Variants in ADAM23 observed in about 807,000 individuals in gnomAD.
ADAM23 encodes the protein ADAM metallopeptidase domain 23.
Under a neutral mutation model 120.1 loss-of-function variants are expected in ADAM23, and 33 were observed. That is an observed-to-expected ratio of 0.27 (90% confidence interval 0.21 to 0.37). ADAM23 has a LOEUF of 0.37. ADAM23 is among the 10% of genes least tolerant of loss of function. The probability of loss-of-function intolerance (pLI) is 1.00; values close to 1 mark genes in which losing one functional copy is unlikely to be tolerated. For missense variants in ADAM23, 862 were observed against 1,058.2 expected, an observed-to-expected ratio of 0.81 and a Z score of 2.57; for synonymous variants, 367 against 375.2, an observed-to-expected ratio of 0.98 and a Z score of 0.25.
At chr2:206,542,671 A>C (rs1697317379) in intron 5 of ADAM23, among the ~76,000 whole-genome samples, 1 of 152,188 alleles carries the variant, frequency 6.6e-6, no homozygotes. Context: ...ATGTGACGAC[A>C]AAGAATCTTG....
intron 3 of ADAM23, among the ~76,000 whole-genome samples, chr2:206,515,414 G>A (rs940933392): frequency 7.9e-5 from 12 of 152,000 alleles, no homozygotes; most frequent in African/African-American, 2.7e-4. Context: ...GTGGTGGCAC[G>A]CTCCATGAGA....
intron 4 of ADAM23, among the ~76,000 whole-genome samples, chr2:206,540,377 T>C (rs934704841): frequency 1.3e-5 from 2 of 152,104 alleles, no homozygotes; most frequent in Non-Finnish European, 2.9e-5. Context: ...TTTCCATATA[T>C]GTGGTTTCCA....
intron 9 of ADAM23, among the ~76,000 whole-genome samples, chr2:206,555,731 A>G (rs554510828): frequency 3.3e-5 from 5 of 152,326 alleles, no homozygotes; most frequent in African/African-American, 1.2e-4. Flanking sequence ...AAAATAACAA[A>G]TTAATACTCA....
chr2:206,496,449 C>T (rs1452036862), intron 3 of ADAM23, among the ~76,000 whole-genome samples: 1 of 152,052 alleles, frequency 6.6e-6, no homozygotes, highest in African/African-American at 2.4e-5. Context: ...TTCTTTGAAA[C>T]CAACGAGAAC....
intron 22 of ADAM23, among the ~76,000 whole-genome samples, chr2:206,593,550 A>C (rs1338334314): frequency 6.6e-6 from 1 of 152,074 alleles, no homozygotes; most frequent in Non-Finnish European, 1.5e-5. Flanking sequence ...TCTCAGTCAA[A>C]TGGTTACTTT....
chr2:206,588,548 T>C lies in ADAM23; in HGVS notation c.1852+394T>C, dbSNP rs115942583. On this transcript the variant is annotated intron_variant, in intron 20 of 25. Transcript: ENST00000264377. ...CTTTCTGGTTTTTACCGCAGGAAAA[T>C]ACCAGACTTATTTTTTAAATTTTGT... Among the ~76,000 whole-genome samples the C allele has an allele frequency of 6.7e-3, 1,019 of 152,292 alleles. 18 individuals are homozygous for C. Among genetic ancestry groups the C allele is most frequent in the African/African-American group, 0.024 (980 of 41,550 alleles).
At chr2:206,513,361 A>C (rs1696665279) in intron 3 of ADAM23, among the ~76,000 whole-genome samples, 1 of 142,350 alleles carries the variant, frequency 7.0e-6, no homozygotes, top group African/African-American at 2.5e-5. Flanking sequence ...CTTGTTGCTG[A>C]TATGGAGAAA....
intron 24 of ADAM23, among the ~76,000 whole-genome samples, chr2:206,603,734 G>A (rs889560550): frequency 6.6e-6 from 1 of 152,102 alleles, no homozygotes; most frequent in Admixed American, 6.5e-5. Context: ...TCTTGTTTCT[G>A]CAGTGAGAAA....
intron 2 of ADAM23, among the ~76,000 whole-genome samples, chr2:206,472,298 G>A (rs1032138669): frequency 5.3e-5 from 8 of 152,174 alleles, no homozygotes; most frequent in South Asian, 2.1e-4. Flanking sequence ...TCTCTTCAGC[G>A]TCCATCTTTT....
At chr2:206,589,539 A>G in intron 21 of ADAM23, 25 bp downstream of exon 21, 1 of 1,587,354 alleles carries the variant, frequency 6.3e-7, no homozygotes, top group Non-Finnish European at 8.6e-7. Flanking sequence ...CTAAGGGCAT[A>G]GTCACTGGAC....
chr2:206,547,347 C>A, intron 6 of ADAM23, 82 bp from the exon 7 acceptor site: 1 of 1,097,574 alleles, frequency 9.1e-7, no homozygotes, highest in Non-Finnish European at 1.3e-6. Flanking sequence ...TTAGGAAGGA[C>A]ATTAGAGAAA....
intron 3 of ADAM23, among the ~76,000 whole-genome samples, chr2:206,490,658 C>G (rs994034648): frequency 1.3e-5 from 2 of 152,162 alleles, no homozygotes; most frequent in African/African-American, 4.8e-5. Context: ...TGATAGTATT[C>G]TAAGCTTTCT....
At chr2:206,542,217 C>A in intron 5 of ADAM23, 83 bp downstream of exon 5, 1 of 1,359,154 alleles carries the variant, frequency 7.4e-7, no homozygotes, top group Non-Finnish European at 1.0e-6. Flanking sequence ...AGTGACTCTT[C>A]CGTGCCAGTG....
chr2:206,490,251 C>G (rs1245619381), intron 3 of ADAM23, among the ~76,000 whole-genome samples: 1 of 152,182 alleles, frequency 6.6e-6, no homozygotes, highest in East Asian at 1.9e-4. Flanking sequence ...TGATCTTGGA[C>G]TTCTAGCCTT....
At chr2:206,494,583 G>T (rs895788238) in intron 3 of ADAM23, among the ~76,000 whole-genome samples, 1 of 152,180 alleles carries the variant, frequency 6.6e-6, no homozygotes, top group Admixed American at 6.5e-5. Flanking sequence ...GTACTTTTGG[G>T]TGTGGTGAGG....
chr2:206,467,176 C>A (rs1001588376), intron 2 of ADAM23, among the ~76,000 whole-genome samples: 9 of 152,186 alleles, frequency 5.9e-5, no homozygotes, highest in African/African-American at 2.2e-4. Context: ...AATCTCGTGT[C>A]CTTTTCATAT....
intron 6 of ADAM23, among the ~76,000 whole-genome samples, chr2:206,546,801 G>A (rs908477746): frequency 1.3e-5 from 2 of 152,058 alleles, no homozygotes; most frequent in African/African-American, 4.8e-5. Context: ...TAAATAATGT[G>A]TACATTAACA....
chr2:206,533,899 C>T (rs1055882492), intron 4 of ADAM23, among the ~76,000 whole-genome samples: 2 of 152,210 alleles, frequency 1.3e-5, no homozygotes, highest in Non-Finnish European at 2.9e-5. Context: ...TTGTTCTGCA[C>T]TTGATGGAGC....
At chr2:206,451,037 C>T (rs957785081) in intron 2 of ADAM23, among the ~76,000 whole-genome samples, 8 of 152,154 alleles carry the variant, frequency 5.3e-5, no homozygotes, top group Non-Finnish European at 8.8e-5. Context: ...AGAGAATAAC[C>T]GTTGCCTAGG....
Sources: allele counts gnomAD v4.1 joint callset (sites outside exome capture counted in the v4.1 genomes callset), GRCh38; gene constraint gnomAD v4.1.1; transcripts MANE v1.5; gene names NCBI Gene and HGNC (gene_info 2026-07-23, HGNC 2026-07-21).